Variants in SLC38A12 observed in about 807,000 individuals in gnomAD.
The protein encoded by SLC38A12 is putative sodium-coupled neutral amino acid transporter 12.
chr17:74,824,571 G>A, the SLC38A12 span, among the ~76,000 whole-genome samples: 4 of 152,266 alleles, frequency 2.6e-5, no homozygotes, highest in African/African-American at 7.2e-5. Flanking sequence ...GGCTTGGTGC[G>A]GGGCGCCCCA....
chr17:74,797,330 C>T, the SLC38A12 span, among the ~76,000 whole-genome samples: 1 of 152,176 alleles, frequency 6.6e-6, no homozygotes, highest in Non-Finnish European at 1.5e-5. Context: ...TTAATTACTG[C>T]CTTCATCTCC....
the SLC38A12 span, among the ~76,000 whole-genome samples, chr17:74,795,819 C>T: frequency 6.6e-6 from 1 of 152,194 alleles, no homozygotes; most frequent in African/African-American, 2.4e-5. Flanking sequence ...GAGTCTAGCC[C>T]CCAAGGTTCC....
At chr17:74,806,422 C>T in the SLC38A12 span, among the ~76,000 whole-genome samples, 5 of 152,214 alleles carry the variant, frequency 3.3e-5, no homozygotes, top group African/African-American at 1.2e-4. Context: ...TCCTTGACAT[C>T]CAGCATAAAT....
chr17:74,829,272 C>G, the SLC38A12 span, among the ~76,000 whole-genome samples: 3 of 152,126 alleles, frequency 2.0e-5, no homozygotes, highest in Admixed American at 2.0e-4. This position sits in a 1 kb window ranked among gnomAD's most constrained non-coding sequence, Gnocchi z 4.1. Flanking sequence ...TACAGGCGCC[C>G]GCCACCATGT....
At chr17:74,815,712 C>T in the SLC38A12 span, among the ~76,000 whole-genome samples, 1 of 152,168 alleles carries the variant, frequency 6.6e-6, no homozygotes, top group Admixed American at 6.5e-5. Context: ...ACGGCACAGC[C>T]TCAGCAGGCG....
the SLC38A12 span, among the ~76,000 whole-genome samples, chr17:74,789,996 C>G: frequency 6.7e-6 from 1 of 149,498 alleles, no homozygotes; most frequent in East Asian, 1.9e-4. Flanking sequence ...CTCTGTCACC[C>G]AGGCTGGAGT....
At chr17:74,836,303 C>G in the SLC38A12 span, 7 of 1,612,674 alleles carry the variant, frequency 4.3e-6, no homozygotes, top group Non-Finnish European at 5.9e-6. This position sits in a 1 kb window ranked among gnomAD's most constrained non-coding sequence, Gnocchi z 4.2. Flanking sequence ...GCACCAACTT[C>G]CCCATCATTG....
chr17:74,777,850 G>A, the SLC38A12 span: 16,831 of 355,440 alleles, frequency 0.047, 529 homozygotes, highest in South Asian at 0.059. Flanking sequence ...GGAGGCGGAC[G>A]TTGCAGTGAG....
chr17:74,827,754 C>A, the SLC38A12 span, among the ~76,000 whole-genome samples: 1 of 152,198 alleles, frequency 6.6e-6, no homozygotes, highest in East Asian at 1.9e-4. The surrounding 1 kb of genome is among the most constrained non-coding windows in gnomAD (Gnocchi z 4.7). Flanking sequence ...TTGGGCTCTT[C>A]TTCCACCTCC....
the SLC38A12 span, chr17:74,838,958 CGTT>C: frequency 3.9e-6 from 6 of 1,535,644 alleles, no homozygotes; most frequent in South Asian, 4.8e-5. Flanking sequence ...GAGCAGGTGT[CGTT>C]GTGGAGGAAA....
At chr17:74,788,763 T>C in the SLC38A12 span, 1 of 1,608,872 alleles carries the variant, frequency 6.2e-7, no homozygotes, top group Non-Finnish European at 8.5e-7. Context: ...TGTCCGCCTT[T>C]GGCGCTGGGC....
chr17:74,817,533 C>T, the SLC38A12 span, among the ~76,000 whole-genome samples: 97 of 152,308 alleles, frequency 6.4e-4, no homozygotes, highest in African/African-American at 2.2e-3. Flanking sequence ...ACTCAAGTGG[C>T]ACCTCACACA....
the SLC38A12 span, among the ~76,000 whole-genome samples, chr17:74,809,091 A>G: frequency 6.6e-6 from 1 of 152,196 alleles, no homozygotes; most frequent in South Asian, 2.1e-4. Context: ...GCTCCGGTAA[A>G]GATAGGTTAC....
the SLC38A12 span, chr17:74,788,736 C>G: frequency 6.5e-7 from 1 of 1,533,202 alleles, no homozygotes; most frequent in Non-Finnish European, 9.0e-7. Flanking sequence ...TTCCTTCTCT[C>G]TCTGTCTCCT....
At chr17:74,825,267 G>T in the SLC38A12 span, among the ~76,000 whole-genome samples, 2 of 152,254 alleles carry the variant, frequency 1.3e-5, no homozygotes, top group African/African-American at 4.8e-5. Context: ...ACTGTCCAGG[G>T]CTCTCCTGGG....
the SLC38A12 span, chr17:74,776,647 G>GGGGCA: frequency 1.3e-5 from 2 of 152,050 alleles, no homozygotes; most frequent in Admixed American, 6.6e-5. Context: ...GGGGCGGGGC[G>GGGGCA]GGGCGGCACT....
chr17:74,819,541 C>T, the SLC38A12 span, among the ~76,000 whole-genome samples: 2 of 152,248 alleles, frequency 1.3e-5, no homozygotes, highest in Non-Finnish European at 2.9e-5. Flanking sequence ...TGAGCAGCAG[C>T]AGGGAAGCAT....
the SLC38A12 span, chr17:74,785,690 G>T: frequency 7.5e-4 from 1,142 of 1,521,356 alleles, 1 homozygote; most frequent in South Asian, 1.1e-3. Context: ...AGGGCACTGA[G>T]GGGGTGGGAA....
At chr17:74,783,731 T>TC in the SLC38A12 span, among the ~76,000 whole-genome samples, 1 of 51,554 alleles carries the variant, frequency 1.9e-5, no homozygotes, top group African/African-American at 4.2e-5. Context: ...CTTTTTTTTT[T>TC]TTTTTTTTTT....
Sources: gnomAD v4.1 joint callset for allele counts (sites outside exome capture counted in the v4.1 genomes callset) on GRCh38, gnomAD v4.1.1 for gene constraint, Gnocchi (gnomAD v3.1) non-coding constraint, MANE v1.5 for transcripts, NCBI Gene and HGNC (gene_info 2026-07-23, HGNC 2026-07-21) for gene names.